Variants in SLC5A11 observed in about 807,000 individuals in gnomAD.
SLC5A11 encodes sodium/myo-inositol cotransporter 2.
A neutral mutation model predicts 69.8 loss-of-function variants in SLC5A11; 48 were observed. The ratio of observed to expected loss-of-function variants is 0.69; its 90% CI spans 0.55 to 0.87. The LOEUF is 0.87. Ranked by LOEUF, SLC5A11 falls within the 40% of genes least tolerant of loss-of-function variation. The pLI, the probability that SLC5A11 is intolerant of heterozygous loss-of-function variation, is 0.00. For synonymous variants in SLC5A11, 319 were observed against 342.4 expected, an observed-to-expected ratio of 0.93 and a Z score of 0.75; for missense variants, 784 against 866.1, an observed-to-expected ratio of 0.91 and a Z score of 1.19.
chr16:24,894,034 G>A (rs2048986713), intron 9 of SLC5A11, among the ~76,000 whole-genome samples: 1 of 152,112 alleles, frequency 6.6e-6, no homozygotes, highest in Admixed American at 6.5e-5. Flanking sequence ...TGCTCTCTTT[G>A]CTAAAGAGCT....
At chr16:24,854,113 G>A (rs887705212) in intron 1 of SLC5A11, among the ~76,000 whole-genome samples, 1 of 152,146 alleles carries the variant, frequency 6.6e-6, no homozygotes, top group Non-Finnish European at 1.5e-5. Context: ...CTGCTCTCTC[G>A]GTGCCTGGCA....
At chr16:24,901,958 GCACACA>G (rs56126191) in intron 10 of SLC5A11, among the ~76,000 whole-genome samples, 1,711 of 136,652 alleles carry the variant, frequency 0.013, 16 homozygotes, top group Non-Finnish European at 0.019. Context: ...ACACACACAC[GCACACA>G]CACACACACA....
intron 8 of SLC5A11, among the ~76,000 whole-genome samples, chr16:24,884,356 G>T (rs1015310629): frequency 1.3e-5 from 2 of 152,032 alleles, no homozygotes; most frequent in Non-Finnish European, 2.9e-5. Flanking sequence ...TCTGAGGCAG[G>T]ATCTTGCTCT....
chr16:24,909,367 C>T (rs1013849104), intron 14 of SLC5A11, among the ~76,000 whole-genome samples: 10 of 151,910 alleles, frequency 6.6e-5, no homozygotes, highest in Non-Finnish European at 1.3e-4. Flanking sequence ...GGCTGGGGTG[C>T]GGTGGCTCAT....
chr16:24,873,887 C>T (rs2047498642), intron 5 of SLC5A11, among the ~76,000 whole-genome samples: 1 of 146,886 alleles, frequency 6.8e-6, no homozygotes, highest in African/African-American at 2.5e-5. Flanking sequence ...GTTGCAGTGG[C>T]ATGATCTCAG....
chr16:24,862,606 A>G, exon 3 of SLC5A11: 1 of 1,611,896 alleles, frequency 6.2e-7, no homozygotes, highest in Non-Finnish European at 8.5e-7. Context: ...TTCAGTCCAC[A>G]GTGAAGACCA....
intron 3 of SLC5A11, 107 bp from the exon 5 acceptor site, chr16:24,869,794 T>C: frequency 2.7e-6 from 2 of 750,580 alleles, no homozygotes; most frequent in African/African-American, 1.7e-5. Flanking sequence ...GGCCCTGCCT[T>C]CCTCTACTTC....
At chr16:24,884,574 C>T (rs2048277674) in intron 8 of SLC5A11, among the ~76,000 whole-genome samples, 1 of 137,862 alleles carries the variant, frequency 7.3e-6, no homozygotes, top group South Asian at 2.4e-4. Flanking sequence ...TGATCTCAAA[C>T]TCCTGGCCTC....
chr16:24,867,162 T>G (rs2046970568), intron 3 of SLC5A11, among the ~76,000 whole-genome samples: 2 of 152,122 alleles, frequency 1.3e-5, no homozygotes, highest in Non-Finnish European at 2.9e-5. Context: ...TTAAAATGAT[T>G]GAAATAATAC....
chr16:24,879,391 C>T (rs565141655), intron 7 of SLC5A11, among the ~76,000 whole-genome samples: 1 of 152,090 alleles, frequency 6.6e-6, no homozygotes, highest in East Asian at 1.9e-4. Flanking sequence ...GTCCCCAATT[C>T]CCTTATTCAA....
intron 8 of SLC5A11, 28 bp from the exon 10 acceptor site, chr16:24,890,841 C>T (rs376338665): frequency 3.7e-5 from 59 of 1,611,568 alleles, no homozygotes; most frequent in South Asian, 1.3e-4. Context: ...TCTGAGTTCC[C>T]GGAAAATAGG....
intron 1 of SLC5A11, among the ~76,000 whole-genome samples, chr16:24,852,657 G>A (rs527356026): frequency 5.9e-4 from 90 of 152,286 alleles, no homozygotes; most frequent in African/African-American, 1.9e-3. Flanking sequence ...TCACTTCACC[G>A]AGTGGGCCCA....
chr16:24,884,115 C>A, exon 8 of SLC5A11: 6 of 1,614,092 alleles, frequency 3.7e-6, no homozygotes, highest in Non-Finnish European at 5.1e-6. Flanking sequence ...TAGGAGCGCT[C>A]ACCTTGATGG....
At chr16:24,863,183 G>A (rs1458825684) in intron 3 of SLC5A11, among the ~76,000 whole-genome samples, 1 of 149,852 alleles carries the variant, frequency 6.7e-6, no homozygotes, top group Admixed American at 6.7e-5. Context: ...ACATAGAAAA[G>A]CAGGGAATCA....
intron 9 of SLC5A11, among the ~76,000 whole-genome samples, chr16:24,893,088 T>C (rs2048919812): frequency 7.5e-6 from 1 of 132,644 alleles, no homozygotes; most frequent in Non-Finnish European, 1.5e-5. Context: ...CTGGCCAACA[T>C]GGCAAAACCC....
intron 4 of SLC5A11, among the ~76,000 whole-genome samples, chr16:24,870,508 G>A (rs541768678): frequency 9.3e-5 from 14 of 150,894 alleles, no homozygotes; most frequent in African/African-American, 2.7e-4. Flanking sequence ...GGTTGGGCGC[G>A]ATGGCTCAGG....
chr16:24,893,116 C>CAAAAAAAAAAAAA (rs58331547), intron 9 of SLC5A11, among the ~76,000 whole-genome samples: 4 of 99,094 alleles, frequency 4.0e-5, no homozygotes, highest in South Asian at 3.8e-4. Context: ...ACTAAAAATA[C>CAAAAAAAAAAAAA]AAAAAAAAAA....
intron 1 of SLC5A11, among the ~76,000 whole-genome samples, chr16:24,855,844 G>C (rs1057284229): frequency 1.3e-5 from 2 of 152,098 alleles, no homozygotes; most frequent in Non-Finnish European, 2.9e-5. Flanking sequence ...CTCCAGAACT[G>C]TGAGCAATAA....
At chr16:24,849,591 A>ATATATATATAT (rs60683631) in intron 1 of SLC5A11, among the ~76,000 whole-genome samples, 17 of 57,504 alleles carry the variant, frequency 3.0e-4, no homozygotes, top group Non-Finnish European at 5.4e-4. Flanking sequence ...AAAAAAAAAA[A>ATATATATATAT]AAATATATAT....
Sources: allele counts gnomAD v4.1 joint callset (sites outside exome capture counted in the v4.1 genomes callset), GRCh38; gene constraint gnomAD v4.1.1; transcripts MANE v1.5; gene names NCBI Gene and HGNC (gene_info 2026-07-23, HGNC 2026-07-21).